RNF220: variants seen among roughly 807,000 people sequenced by gnomAD.
RNF220 encodes ring finger protein 220.
RNF220 carries 7 observed loss-of-function variants against 67.1 expected under a neutral mutation model. The ratio of observed to expected loss-of-function variants is 0.10; its 90% CI spans 0.06 to 0.20. The LOEUF is 0.20. RNF220 is among the 10% of genes least tolerant of loss of function. The probability of loss-of-function intolerance (pLI) is 1.00; values close to 1 mark genes in which losing one functional copy is unlikely to be tolerated. For synonymous variants in RNF220, 270 were observed against 283.2 expected, an observed-to-expected ratio of 0.95 and a Z score of 0.47; for missense variants, 565 against 740.3, an observed-to-expected ratio of 0.76 and a Z score of 2.75.
At chr1:44,415,397 G>C (rs1474858282) in intron 2 of RNF220, among the ~76,000 whole-genome samples, 1 of 151,936 alleles carries the variant, frequency 6.6e-6, no homozygotes, top group Non-Finnish European at 1.5e-5. Flanking sequence ...GGCAGTGACG[G>C]GGTATGGGGA....
rs773834957 is a variant in RNF220, at chr1:44,614,154, C to G, written c.626-11C>G. 1.2e-6 allele frequency: 2 copies of G among 1,614,088 alleles called. No individual in the cohort carries two copies. The highest frequency in any genetic ancestry group is 1.7e-6 in the Non-Finnish European group (2 of 1,179,978). On this transcript the variant is annotated splice_polypyrimidine_tract_variant and intron_variant, in intron 2 of 14. Coordinates refer to ENST00000361799, the MANE Select transcript of RNF220 (RefSeq NM_018150.4). ...AGCTTACGCGTCTGTCTGTTCTTCT[C>G]CCCTCACTAGGTAAGAAGAAAGCAG...
At chr1:44,446,033 T>G (rs1212435395) in intron 2 of RNF220, among the ~76,000 whole-genome samples, 1 of 152,232 alleles carries the variant, frequency 6.6e-6, no homozygotes, top group Admixed American at 6.5e-5. Flanking sequence ...AGGAGCCTGG[T>G]ACTTGGGTGG....
intron 2 of RNF220, among the ~76,000 whole-genome samples, chr1:44,475,705 A>G (rs1034176869): frequency 4.0e-5 from 6 of 151,068 alleles, no homozygotes; most frequent in Non-Finnish European, 7.4e-5. Context: ...ATTGGGTGCC[A>G]TTATTGAGTG....
At chr1:44,528,125 A>G (rs1478848084) in intron 2 of RNF220, among the ~76,000 whole-genome samples, 1 of 152,094 alleles carries the variant, frequency 6.6e-6, no homozygotes, top group Non-Finnish European at 1.5e-5. Flanking sequence ...TAAGTATAGC[A>G]GAACATTTGA....
chr1:44,478,043 A>G (rs1055013945), intron 2 of RNF220, among the ~76,000 whole-genome samples: 8 of 152,188 alleles, frequency 5.3e-5, no homozygotes, highest in African/African-American at 9.7e-5. Context: ...CAATGGCACA[A>G]TCTCGGCTCA....
Position 44,597,468 on chromosome 1 carries a change from G to GCACACA in RNF220, c.626-16659_626-16654dup, listed in dbSNP as rs56375404. Among the ~76,000 whole-genome samples the GCACACA allele has an allele frequency of 8.2e-4, 111 of 135,742 alleles. 1 individual carries two copies. The highest frequency in any genetic ancestry group is 7.0e-3 in the East Asian group (29 of 4,138). 89.1% of individuals were successfully genotyped at this position (135,742 alleles called of 152,430 possible). On this transcript the variant is annotated intron_variant, in intron 2 of 14. Coordinates refer to ENST00000361799, the MANE Select transcript of RNF220 (RefSeq NM_018150.4). Reference sequence around the variant, plus strand: ...ACGCCCTTCTCTCTCTCTCTCTCATGCACACACACACACACACACACACAC... The same window carrying GCACACA: ...ACGCCCTTCTCTCTCTCTCTCTCATGCACACACACACACACACACACACACACACAC...
At chr1:44,438,388 G>T (rs965300767) in intron 2 of RNF220, among the ~76,000 whole-genome samples, 2 of 152,158 alleles carry the variant, frequency 1.3e-5, no homozygotes. Flanking sequence ...CTCCCAAAGT[G>T]CTGGGATTAT....
rs1644732461 is a variant in RNF220 at position 44,649,440 on chromosome 1, T to C, written c.1446-221T>C. The stretch of plus-strand genomic sequence containing the variant: ...TGGTTGAAAATGGTTCCCTGGTATC[T>C]GGTGTAGAAATTCATCCGAATGGGA... On this transcript the variant is annotated intron_variant, in intron 12 of 14. Coordinates refer to ENST00000361799, the MANE Select transcript of RNF220 (RefSeq NM_018150.4). The surrounding 1 kb of genome is among the most constrained non-coding windows in gnomAD (Gnocchi z 5.9). 1.7e-6 allele frequency: 1 copy of C among 585,092 alleles called. No homozygotes were observed. The highest frequency in any genetic ancestry group is 3.0e-5 in the Admixed American group (1 of 33,052). The allele number at this position is 585,092 out of a possible 1,614,324, so 36.2% of individuals were successfully genotyped here.
At chr1:44,445,338 C>G (rs1441332061) in intron 2 of RNF220, among the ~76,000 whole-genome samples, 3 of 152,210 alleles carry the variant, frequency 2.0e-5, no homozygotes, top group Non-Finnish European at 2.9e-5. Flanking sequence ...ATTCCATCGT[C>G]TTCATAGCTA....
intron 3 of RNF220, among the ~76,000 whole-genome samples, chr1:44,617,521 G>A (rs1643607881): frequency 6.6e-6 from 1 of 152,274 alleles, no homozygotes; most frequent in Non-Finnish European, 1.5e-5. Flanking sequence ...CCCAAGGAGC[G>A]TGTCAGCTCC....
chr1:44,524,169 G>A (rs144716151), intron 2 of RNF220, among the ~76,000 whole-genome samples: 22 of 152,082 alleles, frequency 1.4e-4, no homozygotes, highest in Non-Finnish European at 2.6e-4. Flanking sequence ...GCAAGGGCTC[G>A]TAAAGCTGCA....
intron 2 of RNF220, chr1:44,423,909 C>T (rs1270370112): frequency 1.0e-6 from 1 of 985,326 alleles, no homozygotes; most frequent in East Asian, 1.1e-4. Flanking sequence ...AACCGTTGTT[C>T]TAGCCTGGCA....
intron 5 of RNF220, among the ~76,000 whole-genome samples, chr1:44,631,004 G>C (rs1472358917): frequency 6.6e-6 from 1 of 152,192 alleles, no homozygotes; most frequent in African/African-American, 2.4e-5. Flanking sequence ...GATGAGACGG[G>C]AACAGCTGCA....
intron 5 of RNF220, chr1:44,631,746 GA>G: frequency 3.6e-6 from 1 of 281,280 alleles, no homozygotes; most frequent in Non-Finnish European, 5.4e-6. Context: ...CGATGGGGCG[GA>G]AGGAGCCCCG....
intron 2 of RNF220, among the ~76,000 whole-genome samples, chr1:44,508,087 G>A (rs753957134): frequency 6.6e-6 from 1 of 152,004 alleles, no homozygotes; most frequent in Non-Finnish European, 1.5e-5. Flanking sequence ...GTGGGCGTGT[G>A]GGGGTGGTGG....
intron 3 of RNF220, among the ~76,000 whole-genome samples, chr1:44,620,132 G>A (rs1310208374): frequency 1.3e-5 from 2 of 152,230 alleles, no homozygotes; most frequent in Non-Finnish European, 2.9e-5. Context: ...AGCCCTGAGT[G>A]TCTTTAGGGA....
Position 44,412,132 on chromosome 1 carries a change from A to T in RNF220, c.35A>T (p.Asn12Ile). The T allele has an allele frequency of 6.2e-7, 1 of 1,613,490 alleles. No individual in the cohort carries two copies. Among genetic ancestry groups the T allele is most frequent in the African/African-American group, 1.3e-5 (1 of 74,950 alleles). ...DLHRAAFKME[N>I]SSYLPNPLAS... ...CACCGGGCAGCCTTCAAGATGGAGA[A>T]CTCATCCTACCTTCCCAACCCTCTG... The change falls in exon 2 of 15, where the codon AAC (asparagine) becomes ATC (isoleucine). Residue 12 changes from asparagine to isoleucine, a missense_variant. By Grantham distance (149) the Asn-to-Ile change is moderately radical. Transcript: ENST00000361799. This position sits in a 1 kb window ranked among gnomAD's most constrained non-coding sequence, Gnocchi z 5.3.
rs528688548 is a variant in RNF220 at position 44,446,511 on chromosome 1, A to C, written c.625+33789A>C. Among the ~76,000 whole-genome samples, 4 of 152,124 alleles carry C rather than the reference A, an allele frequency of 2.6e-5. 1 individual carries two copies. Among genetic ancestry groups the C allele is most frequent in the African/African-American group, 9.6e-5 (4 of 41,484 alleles). On this transcript the variant is annotated intron_variant, in intron 2 of 14. Coordinates refer to ENST00000361799, the MANE Select transcript of RNF220 (RefSeq NM_018150.4). ...GTGAAATCTTATAGATGTTTCAGCT[A>C]AGACTGTCTTTGCTCAAAAAGAGGG...
intron 12 of RNF220, chr1:44,648,862 T>C (rs1342101901): frequency 1.3e-5 from 2 of 152,316 alleles, no homozygotes; most frequent in Non-Finnish European, 2.9e-5. Flanking sequence ...AGGGAACCCA[T>C]ACTCAGGAAC....
Sources: allele counts gnomAD v4.1 joint callset (sites outside exome capture counted in the v4.1 genomes callset), GRCh38; gene constraint gnomAD v4.1.1; non-coding constraint Gnocchi (gnomAD v3.1); transcripts MANE v1.5; gene names NCBI Gene and HGNC (gene_info 2026-07-23, HGNC 2026-07-21).